The following SPATA1 variants were observed in gnomAD, a reference collection of about 807,000 sequenced individuals.
SPATA1 encodes spermatogenesis-associated protein 1.
SPATA1 carries 57 observed loss-of-function variants against 59.6 expected under a neutral mutation model. The observed-to-expected ratio is 0.96, with a 90% CI of 0.77 to 1.19. The LOEUF (loss-of-function observed/expected upper bound fraction) is 1.19. Ranked by LOEUF, SPATA1 falls within the 50% of genes most tolerant of loss-of-function variation. The probability of loss-of-function intolerance (pLI) is 0.00; values close to 1 mark genes in which losing one functional copy is unlikely to be tolerated. For synonymous variants in SPATA1, 147 were observed against 163.9 expected (o/e 0.90, Z 0.79); for missense variants, 448 against 480.7 (o/e 0.93, Z 0.64).
chr1:84,563,769 TA>T (rs748717555), intron 4 of SPATA1: 10 of 1,608,740 alleles, frequency 6.2e-6, no homozygotes, highest in Non-Finnish European at 8.5e-6. Context: ...ATCATAACCA[TA>T]CCAAGGAACA....
intron 6 of SPATA1, 73 bp from the exon 7 acceptor site, chr1:84,532,787 A>G (rs1165918968): frequency 3.7e-5 from 40 of 1,079,704 alleles, no homozygotes; most frequent in Non-Finnish European, 5.5e-5. Flanking sequence ...GTACATGTAT[A>G]AAAACAAACG....
At chr1:84,545,949 C>CT (rs1262168380) in intron 10 of SPATA1, among the ~76,000 whole-genome samples, 190 bp downstream of exon 10, 1 of 152,016 alleles carries the variant, frequency 6.6e-6, no homozygotes, top group Non-Finnish European at 1.5e-5. Context: ...AGAATAAATG[C>CT]TTTACATAGG....
At chr1:84,537,250 C>G (rs944779300) in intron 8 of SPATA1, among the ~76,000 whole-genome samples, 1 of 152,082 alleles carries the variant, frequency 6.6e-6, no homozygotes, top group African/African-American at 2.4e-5. Flanking sequence ...TAAGAGAAAA[C>G]AGTACCAGAG....
intron 4 of SPATA1, among the ~76,000 whole-genome samples, chr1:84,560,490 T>A (rs1684572878): frequency 6.6e-6 from 1 of 152,192 alleles, no homozygotes; most frequent in Non-Finnish European, 1.5e-5. Flanking sequence ...AAATGGACAG[T>A]TTTTCCTGTA....
intron 6 of SPATA1, chr1:84,527,585 C>T (rs549433204): frequency 1.3e-5 from 2 of 151,966 alleles, no homozygotes; most frequent in Non-Finnish European, 2.9e-5. Flanking sequence ...AAGACACATA[C>T]AGACTCTTAA....
chr1:84,567,023 T>C (rs760605787), downstream of SPATA1, among the ~76,000 whole-genome samples: 5 of 152,244 alleles, frequency 3.3e-5, no homozygotes, highest in African/African-American at 7.2e-5. Context: ...CCTTATTTTA[T>C]ACATGTACAA....
At chr1:84,554,895 G>A, downstream of SPATA1, 1 of 801,738 alleles carries the variant, frequency 1.2e-6, no homozygotes, top group Non-Finnish European at 2.0e-6. Flanking sequence ...TTTTTTTTTA[G>A]TATACGGATA....
intron 4 of SPATA1, among the ~76,000 whole-genome samples, chr1:84,523,180 C>A (rs1464348332): frequency 6.6e-6 from 1 of 152,136 alleles, no homozygotes. Context: ...CCTGGGATTA[C>A]AAGCATGAGC....
exon 4 of SPATA1, chr1:84,522,485 G>T: frequency 6.5e-7 from 1 of 1,531,036 alleles, no homozygotes. Flanking sequence ...TTTCTGAAAT[G>T]CATTGGAAAT....
chr1:84,513,156 G>C (rs1558568167), intron 1 of SPATA1, among the ~76,000 whole-genome samples: 1 of 152,276 alleles, frequency 6.6e-6, no homozygotes, highest in East Asian at 1.9e-4. Flanking sequence ...TTTCGCTCTT[G>C]TTGCCCAGGC....
rs538699212 is a variant in SPATA1, at chr1:84,508,178, G to A, written c.-138+1760G>A. 7.9e-5 allele frequency among the ~76,000 whole-genome samples: 12 copies of A among 152,054 alleles called. No homozygotes were observed. In the East Asian group the frequency reaches 2.3e-3, roughly 29 times the overall value. ...CCACCCAGGAGTCCCAGCTGCCCAG[G>A]AGGCTTGATGCAGGAGATTCGCTTG... On this transcript the variant is annotated intron_variant, in intron 1 of 12. Transcript: ENST00000490879.
At chr1:84,545,840 AGTTAT>A in intron 10 of SPATA1, 81 bp downstream of exon 10, 1 of 1,014,374 alleles carries the variant, frequency 9.9e-7, no homozygotes, top group Non-Finnish European at 1.3e-6. Context: ...TAAATAATAA[AGTTAT>A]AATTAATATT....
At chr1:84,522,634 G>A in intron 4 of SPATA1, 127 bp downstream of exon 4, 2 of 443,224 alleles carry the variant, frequency 4.5e-6, no homozygotes, top group Non-Finnish European at 7.9e-6. Flanking sequence ...AAAATGAAAT[G>A]GAAATATCAT....
chr1:84,546,419 C>T (rs1181478229), intron 10 of SPATA1, among the ~76,000 whole-genome samples: 1 of 145,328 alleles, frequency 6.9e-6, no homozygotes, highest in East Asian at 2.0e-4. Context: ...GATTGTGCCA[C>T]TGCACTCCAG....
At chr1:84,538,653 T>G (rs573943576) in intron 8 of SPATA1, among the ~76,000 whole-genome samples, 7 of 152,334 alleles carry the variant, frequency 4.6e-5, no homozygotes, top group African/African-American at 1.2e-4. Flanking sequence ...AGAGATTTAC[T>G]GCATTAGGAT....
chr1:84,565,697 A>G (rs1014869551), intron 4 of SPATA1, 164 bp from the exon 14 acceptor site: 11 of 364,152 alleles, frequency 3.0e-5, no homozygotes, highest in Admixed American at 5.0e-5. Context: ...AAAGCTTTCA[A>G]TTAAGTGATT....
At chr1:84,550,561 A>G (rs532768453) in intron 12 of SPATA1, 31 bp downstream of exon 12, 24 of 1,474,192 alleles carry the variant, frequency 1.6e-5, no homozygotes, top group South Asian at 1.3e-4. Flanking sequence ...TCAGATTATT[A>G]TAACATTTAT....
intron 8 of SPATA1, among the ~76,000 whole-genome samples, chr1:84,537,786 G>GGGGTCAGATAA (rs957796747): frequency 8.5e-5 from 13 of 152,198 alleles, no homozygotes; most frequent in Non-Finnish European, 1.9e-4. Flanking sequence ...GAGGTTTAGA[G>GGGGTCAGATAA]GGGTCAGATA....
At chr1:84,514,446 T>C (rs1393812435) in intron 1 of SPATA1, among the ~76,000 whole-genome samples, 1 of 152,220 alleles carries the variant, frequency 6.6e-6, no homozygotes, top group Non-Finnish European at 1.5e-5. Flanking sequence ...TTTTGGGATA[T>C]TTGCATTATA....
Sources: gnomAD v4.1 joint callset for allele counts (sites outside exome capture counted in the v4.1 genomes callset) on GRCh38, gnomAD v4.1.1 for gene constraint, MANE v1.5 for transcripts, NCBI Gene and HGNC (gene_info 2026-07-23, HGNC 2026-07-21) for gene names.